Variants in L3MBTL1 observed in about 807,000 individuals in gnomAD.
L3MBTL1 encodes the protein L3MBTL histone methyl-lysine binding protein 1.
Under a neutral mutation model 105.3 loss-of-function variants are expected in L3MBTL1, and 75 were observed. That is an observed-to-expected ratio of 0.71 (90% CI 0.59 to 0.86). The LOEUF (loss-of-function observed/expected upper bound fraction) is 0.86, where lower values mean the gene tolerates loss of function less well. Ranked by LOEUF, L3MBTL1 falls within the 40% of genes least tolerant of loss-of-function variation. The probability of loss-of-function intolerance (pLI) is 0.00; values close to 1 mark genes in which losing one functional copy is unlikely to be tolerated. For synonymous variants in L3MBTL1, 452 were observed against 436.2 expected (o/e 1.04, Z -0.45); for missense variants, 1,069 against 1,126.4 (o/e 0.95, Z 0.73).
In L3MBTL1 at chr20:43,529,301, T is replaced by C. The variant is rs1393573367; in HGVS notation, c.989T>C (p.Leu330Pro). The change falls in exon 9 of 22, where the codon CTG becomes CCG. Residue 330 changes from leucine (L) to proline (P), a missense_variant. Transcript: ENST00000418998. ...ACTCACAACAAGAATGGCTTCAAACTGGGCATGAAGTTGGAAGGCATTGAC... is the reference window on the plus strand; with the variant it reads ...ACTCACAACAAGAATGGCTTCAAACCGGGCATGAAGTTGGAAGGCATTGAC... ...AVTHNKNGFK[L>P]GMKLEGIDPQ... 2.5e-6 allele frequency: 4 copies of C among 1,613,060 alleles called. No individual in the cohort carries two copies. The highest frequency in any genetic ancestry group is 3.4e-6 in the Non-Finnish European group (4 of 1,179,716).
Position 43,534,060 on chromosome 20 carries a change from G to A in L3MBTL1, c.1566G>A (p.Gly522=). ...GGGAGAAATATCTGGAAGAAACTGGGGCCTCTGCTGTCCCCACCTGGGCCT... is the reference window on the plus strand; with the variant it reads ...GGGAGAAATATCTGGAAGAAACTGGAGCCTCTGCTGTCCCCACCTGGGCCT... ...FCWEKYLEET[G]ASAVPTWAFK... is the part of the protein sequence containing the mutation. Residue 522 remains glycine, a synonymous_variant, in exon 14 of 22, where the codon GGG becomes GGA. Transcript: ENST00000418998. The A allele has an allele frequency of 1.2e-6, 2 of 1,614,046 alleles. No individual in the cohort carries two copies. Among genetic ancestry groups the A allele is most frequent in the Non-Finnish European group, 1.7e-6 (2 of 1,179,968 alleles).
chr20:43,542,611 C>CAAAAAAAAAAAAAAAAAATAAAA (rs2019958468), downstream of L3MBTL1, among the ~76,000 whole-genome samples: 2 of 112,668 alleles, frequency 1.8e-5, no homozygotes, highest in Non-Finnish European at 3.7e-5. Flanking sequence ...AAAAATTTAA[C>CAAAAAAAAAAAAAAAAAATAAAA]AAAAAAAAAA....
chr20:43,516,235 G>T, intron 7 of L3MBTL1, 58 bp downstream of exon 7: 1 of 1,272,562 alleles, frequency 7.9e-7, no homozygotes, highest in Non-Finnish European at 1.1e-6. Context: ...CTTTGGAGGT[G>T]TGAGGCTGAG....
Position 43,514,633 on chromosome 20 carries a change from A to G in L3MBTL1, c.361-2A>G. 4 of 1,598,392 alleles carry G rather than the reference A, an allele frequency of 2.5e-6. No individual in the cohort carries two copies. Among genetic ancestry groups the G allele is most frequent in the Non-Finnish European group, 3.4e-6 (4 of 1,172,298 alleles). On this transcript the variant is annotated splice_acceptor_variant, in intron 3 of 21. Coordinates refer to ENST00000418998, the MANE Select transcript of L3MBTL1 (RefSeq NM_001377303.1). LOFTEE classifies it high-confidence loss of function. ...CAATCCTCAGACCCTCCCGCGCTCC[A>G]GTTCCGGATAAGCGAGTATAAGCCG...
At chr20:43,523,150 G>T (rs1007061704) in intron 7 of L3MBTL1, 2 of 152,060 alleles carry the variant, frequency 1.3e-5, no homozygotes, top group African/African-American at 4.8e-5. Flanking sequence ...GTCAGAATAT[G>T]CAAAAATGCT....
chr20:43,526,148 C>G (rs1323315791), intron 7 of L3MBTL1, among the ~76,000 whole-genome samples: 3 of 152,132 alleles, frequency 2.0e-5, no homozygotes, highest in Non-Finnish European at 2.9e-5. Flanking sequence ...AGAATTGAAG[C>G]ACCAAAGAGC....
intron 4 of L3MBTL1, 111 bp from the exon 5 acceptor site, chr20:43,514,898 C>T (rs2018291398): frequency 1.4e-6 from 2 of 1,467,500 alleles, no homozygotes; most frequent in Non-Finnish European, 1.8e-6. Context: ...TGGAGGAGGC[C>T]ATCCGATGCG....
rs2019446936 is a variant in L3MBTL1 at position 43,533,479 on chromosome 20, G to C, written c.1513+61G>C. ...GCCTGGCTCTGCTTCCCTCTCCACT[G>C]ACCCCTCACCAGTAGTGCCCCAGTA... On this transcript the variant is annotated intron_variant, in intron 13 of 21. Coordinates refer to ENST00000418998, the MANE Select transcript of L3MBTL1 (RefSeq NM_001377303.1). 18 of 1,442,738 alleles carry C rather than the reference G, an allele frequency of 1.2e-5. 1 individual carries two copies. The South Asian group carries it at 2.2e-4, about 17-fold the overall frequency. 89.4% of individuals were successfully genotyped at this position (1,442,738 alleles called of 1,614,324 possible). A position where few individuals can be genotyped will look rare whatever the true frequency, so the allele number is the denominator to read the frequency against.
exon 19 of L3MBTL1, chr20:43,548,615 G>A (rs1275424352): frequency 1.3e-5 from 2 of 155,480 alleles, no homozygotes; most frequent in Non-Finnish European, 2.8e-5. Context: ...TCAATCTGAG[G>A]CCCCTTTCCC....
At chr20:43,547,861 C>T (rs986657883) in intron 18 of L3MBTL1, among the ~76,000 whole-genome samples, 9 of 152,202 alleles carry the variant, frequency 5.9e-5, no homozygotes, top group East Asian at 5.8e-4. Flanking sequence ...TGTGTGAACA[C>T]GGGGAAACCA....
At chr20:43,543,468 A>G (rs2145502124), downstream of L3MBTL1, among the ~76,000 whole-genome samples, 1 of 152,304 alleles carries the variant, frequency 6.6e-6, no homozygotes, top group South Asian at 2.1e-4. Flanking sequence ...TCTCCCAGGA[A>G]CATTTGCTGT....
intron 7 of L3MBTL1, among the ~76,000 whole-genome samples, chr20:43,522,466 T>A (rs1175568644): frequency 1.7e-5 from 2 of 117,260 alleles, no homozygotes; most frequent in African/African-American, 3.3e-5. Flanking sequence ...AGTTTTTTTT[T>A]TTTTTTTTTT....
At chr20:43,517,611 A>G (rs1345846540) in intron 7 of L3MBTL1, among the ~76,000 whole-genome samples, 1 of 152,190 alleles carries the variant, frequency 6.6e-6, no homozygotes, top group Non-Finnish European at 1.5e-5. Context: ...GTGCTTAGCT[A>G]GAGCCTGGTA....
At chr20:43,541,977 A>G, downstream of L3MBTL1, 2 of 839,848 alleles carry the variant, frequency 2.4e-6, no homozygotes, top group Non-Finnish European at 2.9e-6. Flanking sequence ...TCGGGAGGCC[A>G]CGGTGGGTGG....
At chr20:43,515,711 C>G in intron 6 of L3MBTL1, 1 of 469,800 alleles carries the variant, frequency 2.1e-6, no homozygotes, top group South Asian at 2.6e-5. Flanking sequence ...AACTCCATCA[C>G]TGGAGTCCAG....
chr20:43,535,962 C>G, intron 17 of L3MBTL1, 26 bp downstream of exon 17: 1 of 1,599,974 alleles, frequency 6.3e-7, no homozygotes, highest in Non-Finnish European at 8.5e-7. Context: ...TGGTGAGAGA[C>G]CCTCAGCGTT....
Position 43,513,612 on chromosome 20 carries a change from C to CT in L3MBTL1, c.110dup (p.Pro38AlafsTer54). 6.4e-7 allele frequency: 1 copy of CT among 1,550,644 alleles called. No individual in the cohort carries two copies. Among genetic ancestry groups the CT allele is most frequent in the South Asian group, 1.2e-5 (1 of 84,064 alleles). On this transcript the variant is annotated frameshift_variant, in exon 2 of 22. Transcript: ENST00000418998. LOFTEE classifies it high-confidence loss of function. ...AGACAGCCCCGGTTCTGGTCCTCAC[C>CT]TGCCCGCAACTGCCTTCATCATTCC...
rs138387739 is a variant in L3MBTL1 at position 43,540,951 on chromosome 20, G to C, written c.2412G>C (p.Val804=). Residue 804 remains valine (V), a synonymous_variant, in exon 22 of 22, where the codon GTG becomes GTC. Transcript: ENST00000418998. ...LFKDEARIVR[V]THVSGKTLVW... is the part of the protein sequence containing the mutation. ...CCCACCAGGCAAGAATAGTCAGAGTGACCCATGTATCTGGGAAGACTCTAG... is the reference window on the plus strand; with the variant it reads ...CCCACCAGGCAAGAATAGTCAGAGTCACCCATGTATCTGGGAAGACTCTAG... 1.5e-5 allele frequency: 25 copies of C among 1,614,002 alleles called. No homozygotes were observed. Among genetic ancestry groups the C allele is most frequent in the Non-Finnish European group, 2.0e-5 (24 of 1,179,996 alleles).
Position 43,508,687 on chromosome 20 carries a change from C to T in L3MBTL1, c.-29+943C>T, listed in dbSNP as rs182916628. Among the ~76,000 whole-genome samples, 15 of 152,334 alleles carry T rather than the reference C, an allele frequency of 9.8e-5. No homozygotes were observed. The East Asian group carries it at 2.9e-3, about 29-fold the overall frequency. The stretch of plus-strand genomic sequence containing the variant: ...CTACAATGGTTGTTTTAGGTCGGGT[C>T]CCCCGAAACAGACTCCGATAGCAAG... On this transcript the variant is annotated intron_variant, in intron 1 of 21. Transcript: ENST00000418998.
Sources: gnomAD v4.1 joint callset for allele counts (sites outside exome capture counted in the v4.1 genomes callset) on GRCh38, gnomAD v4.1.1 for gene constraint, MANE v1.5 for transcripts, NCBI Gene and HGNC (gene_info 2026-07-23, HGNC 2026-07-21) for gene names.